HPSE2: variants seen among roughly 807,000 people sequenced by gnomAD.
The protein encoded by HPSE2 is heparanase 2 (inactive), also known as inactive heparanase-2.
In HPSE2, 38 loss-of-function variants were observed where a neutral mutation model predicts 60.5. That is an observed-to-expected ratio of 0.63 (90% CI 0.48 to 0.82). HPSE2 has a LOEUF of 0.82. HPSE2 is among the 40% of genes least tolerant of loss of function. HPSE2 has a pLI of 0.00. For missense variants in HPSE2, 713 were observed against 740.4 expected (o/e 0.96, Z 0.43); for synonymous variants, 295 against 293.2 (o/e 1.01, Z -0.06).
chr10:98,871,988 T>TTGTC (rs1398077867), intron 3 of HPSE2, among the ~76,000 whole-genome samples: 4 of 152,176 alleles, frequency 2.6e-5, no homozygotes, highest in Non-Finnish European at 5.9e-5. Flanking sequence ...ATTTACTTCT[T>TTGTC]TGTCCTTGTT....
intron 3 of HPSE2, among the ~76,000 whole-genome samples, chr10:98,838,605 T>C (rs920836231): frequency 6.6e-6 from 1 of 151,978 alleles, no homozygotes; most frequent in African/African-American, 2.4e-5. Context: ...TTTAACTTTT[T>C]TTTTTTTTTA....
intron 3 of HPSE2, among the ~76,000 whole-genome samples, chr10:98,750,168 T>A (rs1039214089): frequency 6.6e-6 from 1 of 151,820 alleles, no homozygotes; most frequent in Non-Finnish European, 1.5e-5. Context: ...GTCAAGTAGA[T>A]AACTATGGAA....
chr10:98,643,414 T>C (rs1349337980), intron 6 of HPSE2, among the ~76,000 whole-genome samples: 1 of 152,228 alleles, frequency 6.6e-6, no homozygotes, highest in Non-Finnish European at 1.5e-5. Context: ...ATTAATTAAG[T>C]TATGTGTAAA....
intron 3 of HPSE2, among the ~76,000 whole-genome samples, chr10:99,012,127 A>G (rs1223596481): frequency 6.6e-6 from 1 of 151,970 alleles, no homozygotes; most frequent in Non-Finnish European, 1.5e-5. Context: ...TATTTATAGA[A>G]TATTATTTCT....
the HPSE2 span, among the ~76,000 whole-genome samples, chr10:99,254,054 C>T: frequency 2.0e-5 from 3 of 152,164 alleles, no homozygotes; most frequent in Non-Finnish European, 4.4e-5. Context: ...CCAGCAATCT[C>T]GTTACTGGGT....
intron 3 of HPSE2, among the ~76,000 whole-genome samples, chr10:98,941,824 A>G (rs1955013467): frequency 2.2e-5 from 3 of 138,944 alleles, no homozygotes; most frequent in Admixed American, 7.2e-5. Flanking sequence ...ACCTGACTTC[A>G]AACTATACTA....
intron 3 of HPSE2, among the ~76,000 whole-genome samples, chr10:99,135,156 A>G (rs1035652044): frequency 1.3e-5 from 2 of 152,128 alleles, no homozygotes; most frequent in Admixed American, 6.5e-5. Context: ...CAATGCAGCA[A>G]GAAGAGTTAA....
At chr10:99,211,268 T>A (rs57071578) in intron 2 of HPSE2, among the ~76,000 whole-genome samples, 2,488 of 151,896 alleles carry the variant, frequency 0.016, 100 homozygotes, top group East Asian at 0.16. Context: ...AGAATAAATA[T>A]CATTGAAATA....
At chr10:99,088,987 T>C (rs1056528864) in intron 3 of HPSE2, among the ~76,000 whole-genome samples, 4 of 152,206 alleles carry the variant, frequency 2.6e-5, no homozygotes, top group African/African-American at 4.8e-5. Flanking sequence ...CTTTTGAGAA[T>C]TGCTTATTCA....
Position 99,144,233 on chromosome 10 carries a change from C to T in HPSE2, c.610+5G>A. ...TAAGATTTCAACCAACTCCAATAGCCTTACCTGTTAATATGAGATTACTGT... is the reference window on the plus strand; with the variant it reads ...TAAGATTTCAACCAACTCCAATAGCTTTACCTGTTAATATGAGATTACTGT... On this transcript the variant is annotated splice_donor_5th_base_variant and intron_variant, in intron 3 of 11. Coordinates refer to ENST00000370552, the MANE Select transcript of HPSE2 (RefSeq NM_021828.5). 2 of 1,613,588 alleles carry T rather than the reference C, an allele frequency of 1.2e-6. No individual in the cohort carries two copies.
At position 99,150,329 on chromosome 10, in the gene HPSE2, C is replaced by T. The variant is rs542868790; in HGVS notation, c.449-5930G>A. 1.1e-4 allele frequency among the ~76,000 whole-genome samples: 17 copies of T among 152,140 alleles called. No homozygotes were observed. The South Asian group carries it at 3.1e-3, about 28-fold the overall frequency. ...GACAAATGACAGACTGGCAGACCAG[C>T]CAAAAAAATTTTTTAAGACAGTGTC... On this transcript the variant is annotated intron_variant, in intron 2 of 11. Coordinates refer to ENST00000370552, the MANE Select transcript of HPSE2 (RefSeq NM_021828.5).
At chr10:98,475,442 TTTAG>T (rs1940970253) in intron 11 of HPSE2, among the ~76,000 whole-genome samples, 1 of 150,544 alleles carries the variant, frequency 6.6e-6, no homozygotes, top group Non-Finnish European at 1.5e-5. Context: ...CTTTTAAAAT[TTTAG>T]TTAGTCATTG....
chr10:99,220,004 T>C (rs747442582), intron 2 of HPSE2, among the ~76,000 whole-genome samples: 4 of 152,222 alleles, frequency 2.6e-5, no homozygotes, highest in South Asian at 2.1e-4. Context: ...CACAGTGATA[T>C]ACTATTTGAG....
intron 10 of HPSE2, among the ~76,000 whole-genome samples, chr10:98,486,535 A>G (rs1436357049): frequency 2.6e-5 from 4 of 151,512 alleles, no homozygotes; most frequent in Non-Finnish European, 4.4e-5. Context: ...CCATGGGAGG[A>G]GGCGGAAGTG....
At chr10:98,944,085 T>C (rs1955106164) in intron 3 of HPSE2, among the ~76,000 whole-genome samples, 1 of 152,098 alleles carries the variant, frequency 6.6e-6, no homozygotes, top group African/African-American at 2.4e-5. Context: ...AGGGAGCAGC[T>C]AGAGGTACAG....
In HPSE2 at chr10:98,696,407, GAGGA is replaced by G. The variant is rs1303392994; in HGVS notation, c.957-2464_957-2461del. Among the ~76,000 whole-genome samples, 5 of 151,868 alleles carry G rather than the reference GAGGA, an allele frequency of 3.3e-5. No individual in the cohort carries two copies. In the East Asian group the frequency reaches 9.7e-4, roughly 29 times the overall value. ...CTAGGCAGCTGGCGTGACCCACAGAGAGGAAGGAAGAGCAGTGTGGTGCTGCAGC... is the reference window on the plus strand; with the variant it reads ...CTAGGCAGCTGGCGTGACCCACAGAGAGGAAGAGCAGTGTGGTGCTGCAGC... On this transcript the variant is annotated intron_variant, in intron 5 of 11. Transcript: ENST00000370552.
At chr10:98,950,476 T>G (rs529852349) in intron 3 of HPSE2, among the ~76,000 whole-genome samples, 2 of 152,320 alleles carry the variant, frequency 1.3e-5, no homozygotes, top group African/African-American at 4.8e-5. Flanking sequence ...AGTAAATGTT[T>G]GTTGAATGAT....
chr10:98,829,872 T>G (rs1202100530), intron 3 of HPSE2, among the ~76,000 whole-genome samples: 1 of 152,188 alleles, frequency 6.6e-6, no homozygotes, highest in African/African-American at 2.4e-5. Context: ...TTTAAAATTT[T>G]ATTTCTTCTA....
chr10:98,530,211 C>G (rs989311796), intron 9 of HPSE2, among the ~76,000 whole-genome samples: 46 of 152,186 alleles, frequency 3.0e-4, no homozygotes, highest in African/African-American at 1.0e-3. Flanking sequence ...TTTGCGCTCT[C>G]TCCTGCTCAA....
Sources: allele counts gnomAD v4.1 joint callset (sites outside exome capture counted in the v4.1 genomes callset), GRCh38; gene constraint gnomAD v4.1.1; transcripts MANE v1.5; gene names NCBI Gene and HGNC (gene_info 2026-07-23, HGNC 2026-07-21).